NACC2: variants seen among roughly 807,000 people sequenced by gnomAD.
NACC2 encodes the protein NACC family member 2.
A neutral mutation model predicts 25.1 loss-of-function variants in NACC2; 8 were observed. That is an observed-to-expected ratio of 0.32 (90% CI 0.19 to 0.57). The LOEUF (loss-of-function observed/expected upper bound fraction) is 0.57. NACC2 is among the 20% of genes least tolerant of loss of function. The probability of loss-of-function intolerance (pLI) is 0.89; values close to 1 mark genes in which losing one functional copy is unlikely to be tolerated. For missense variants in NACC2, 644 were observed against 650.2 expected (o/e 0.99, Z 0.10); for synonymous variants, 435 against 294.7 (o/e 1.48, Z -4.88).
At chr9:136,016,211 A>G in intron 3 of NACC2, 54 bp downstream of exon 3, 1 of 1,589,164 alleles carries the variant, frequency 6.3e-7, no homozygotes, top group Non-Finnish European at 8.6e-7. Context: ...ATAAATAAAT[A>G]AATAAATAAA....
intron 2 of NACC2, among the ~76,000 whole-genome samples, chr9:136,029,494 A>G (rs952975065): frequency 7.9e-5 from 12 of 152,362 alleles, no homozygotes; most frequent in African/African-American, 2.9e-4. Context: ...AAAGAGATGA[A>G]AGAGCTGTAA....
At chr9:136,089,911 G>A (rs1196770705) in intron 1 of NACC2, among the ~76,000 whole-genome samples, 1 of 151,466 alleles carries the variant, frequency 6.6e-6, no homozygotes, top group Non-Finnish European at 1.5e-5. Flanking sequence ...CAAAAGTTGT[G>A]TGATACGGAT....
At chr9:136,092,491 G>C (rs943022293) in intron 1 of NACC2, among the ~76,000 whole-genome samples, 3 of 152,206 alleles carry the variant, frequency 2.0e-5, no homozygotes, top group Admixed American at 6.5e-5. Context: ...GGCGCTCCAC[G>C]GCCTCACACC....
At position 136,018,970 on chromosome 9, in the gene NACC2, G is replaced by A. The variant is rs1010497312; in HGVS notation, c.887-2541C>T. 1.3e-5 allele frequency among the ~76,000 whole-genome samples: 2 copies of A among 150,246 alleles called. No homozygotes were observed. Among genetic ancestry groups the A allele is most frequent in the Non-Finnish European group, 3.0e-5 (2 of 67,604 alleles). Reference sequence around the variant, plus strand: ...GAAGTTGTTTGTGCTTGGAACACCCGCCCCTCCCCAGCCCCTGCCCAGCTC... The same window carrying A: ...GAAGTTGTTTGTGCTTGGAACACCCACCCCTCCCCAGCCCCTGCCCAGCTC... On this transcript the variant is annotated intron_variant, in intron 2 of 5. Transcript: ENST00000277554. The surrounding 1 kb of genome is among the most constrained non-coding windows in gnomAD (Gnocchi z 4.4).
At chr9:136,035,961 TGAGG>T (rs1368397320) in intron 2 of NACC2, among the ~76,000 whole-genome samples, 39 of 152,302 alleles carry the variant, frequency 2.6e-4, no homozygotes, top group Middle Eastern at 3.4e-3. Flanking sequence ...ATCATGATCC[TGAGG>T]GAGGAAGAAA....
chr9:136,011,511 T>C lies in NACC2; in HGVS notation c.*5A>G. 19 of 1,376,228 alleles carry C rather than the reference T, an allele frequency of 1.4e-5. No homozygotes were observed. The highest frequency in any genetic ancestry group is 1.8e-5 in the Non-Finnish European group (19 of 1,067,662). 85.3% of individuals were successfully genotyped at this position (1,376,228 alleles called of 1,614,324 possible). A position where few individuals can be genotyped will look rare whatever the true frequency, so the allele number is the denominator to read the frequency against. On this transcript the variant is annotated 3_prime_UTR_variant, in exon 6 of 6. Transcript: ENST00000277554. ...TCGGTCCCTCGCGCAGCCACCCAGC[T>C]CCGCTTACAAGGTCCCTGCATAGGT... is the stretch of plus-strand genomic sequence containing the variant.
At chr9:136,085,159 TTTTTG>T (rs1342050736) in intron 1 of NACC2, among the ~76,000 whole-genome samples, 28 of 134,766 alleles carry the variant, frequency 2.1e-4, no homozygotes, top group African/African-American at 5.3e-4. Context: ...TTTTTTTTTT[TTTTTG>T]GCGAGACTGA....
At chr9:136,062,235 C>A (rs1342972311) in intron 1 of NACC2, among the ~76,000 whole-genome samples, 1 of 152,096 alleles carries the variant, frequency 6.6e-6, no homozygotes, top group African/African-American at 2.4e-5. Flanking sequence ...AACTAAGCAA[C>A]ATGATGACTG....
At chr9:136,094,693 C>T (rs1830469261) in intron 1 of NACC2, among the ~76,000 whole-genome samples, 1 of 151,918 alleles carries the variant, frequency 6.6e-6, no homozygotes, top group South Asian at 2.1e-4. Context: ...GGGCGAGGCG[C>T]GGGCCCGGCT....
At chr9:136,038,413 G>A (rs1259758680) in intron 2 of NACC2, among the ~76,000 whole-genome samples, 1 of 152,176 alleles carries the variant, frequency 6.6e-6, no homozygotes, top group African/African-American at 2.4e-5. Flanking sequence ...GGTGGCATGT[G>A]CTTGTAGTCT....
intron 1 of NACC2, among the ~76,000 whole-genome samples, chr9:136,058,086 C>T (rs1840953722): frequency 1.3e-5 from 2 of 152,136 alleles, no homozygotes; most frequent in Non-Finnish European, 2.9e-5. Flanking sequence ...CACAGAAACA[C>T]TACATCAGCC....
At chr9:136,015,168 A>G (rs1192317902) in intron 3 of NACC2, among the ~76,000 whole-genome samples, 7 of 152,010 alleles carry the variant, frequency 4.6e-5, no homozygotes, top group Non-Finnish European at 1.0e-4. Flanking sequence ...TCAGCCCCAC[A>G]CCCCAAACAG....
rs533758517 is a variant in NACC2, at chr9:136,074,949, CG to C, written c.-60+20239del. ...CTCGCACGGCCTCCTTCTGGGAGCC[CG>C]GGAGCTCTGTCCCCCACTCACTGTC... On this transcript the variant is annotated intron_variant, in intron 1 of 5. Transcript: ENST00000277554. 6.7e-4 allele frequency among the ~76,000 whole-genome samples: 102 copies of C among 152,288 alleles called. No homozygotes were observed. The South Asian group carries it at 0.013, about 19-fold the overall frequency.
intron 1 of NACC2, among the ~76,000 whole-genome samples, chr9:136,059,544 T>C (rs1273074118): frequency 3.3e-5 from 5 of 151,800 alleles, no homozygotes; most frequent in Admixed American, 3.3e-4. Flanking sequence ...AGCTGGGGGG[T>C]TGCCGAAGTC....
chr9:136,018,083 C>A lies in NACC2; in HGVS notation c.887-1654G>T, dbSNP rs1840229872. On this transcript the variant is annotated intron_variant, in intron 2 of 5. Coordinates refer to ENST00000277554, the MANE Select transcript of NACC2 (RefSeq NM_144653.5). This position sits in a 1 kb window ranked among gnomAD's most constrained non-coding sequence, Gnocchi z 4.4. ...GTGCAGAGGGAGGGGTGGGGTGGAACCTGCACGTCCAGCAGGCTCGGGGCA... is the reference window on the plus strand; with the variant it reads ...GTGCAGAGGGAGGGGTGGGGTGGAAACTGCACGTCCAGCAGGCTCGGGGCA... 6.6e-6 allele frequency among the ~76,000 whole-genome samples: 1 copy of A among 152,152 alleles called. No individual in the cohort carries two copies. The highest frequency in any genetic ancestry group is 1.9e-4 in the East Asian group (1 of 5,180).
intron 1 of NACC2, among the ~76,000 whole-genome samples, chr9:136,058,009 C>T (rs929802850): frequency 8.5e-5 from 13 of 152,182 alleles, no homozygotes; most frequent in Non-Finnish European, 1.8e-4. Context: ...AATAGTGAGG[C>T]GAGGTAAGAC....
rs773826196 is a variant in NACC2, at chr9:136,013,165, GC to G, written c.1255+33del. 26 of 706,920 alleles carry G rather than the reference GC, an allele frequency of 3.7e-5. 1 individual carries two copies. The Middle Eastern group carries it at 3.0e-3, about 83-fold the overall frequency. 43.8% of individuals were successfully genotyped at this position (706,920 alleles called of 1,614,324 possible). Reference sequence around the variant, plus strand: ...AGGCTGGGATCTGAACCCAGCCCCGGCCCCACCCACCCGAGAGACCCCCAGG... The same window carrying G: ...AGGCTGGGATCTGAACCCAGCCCCGGCCCACCCACCCGAGAGACCCCCAGG... On this transcript the variant is annotated intron_variant, in intron 5 of 5. Transcript: ENST00000277554. The surrounding 1 kb of genome is among the most constrained non-coding windows in gnomAD (Gnocchi z 6.6).
At chr9:136,014,040 G>T in intron 3 of NACC2, 71 bp from the exon 4 acceptor site, 1 of 879,936 alleles carries the variant, frequency 1.1e-6, no homozygotes. Context: ...CGCACAGATG[G>T]GTGAGGGGGA....
chr9:136,040,344 C>CAA (rs35210775), intron 2 of NACC2, among the ~76,000 whole-genome samples: 33 of 136,304 alleles, frequency 2.4e-4, no homozygotes, highest in East Asian at 6.4e-4. Flanking sequence ...GACTCCGTCT[C>CAA]AAAAAAAAAA....
Sources: allele counts gnomAD v4.1 joint callset (sites outside exome capture counted in the v4.1 genomes callset), GRCh38; gene constraint gnomAD v4.1.1; non-coding constraint Gnocchi (gnomAD v3.1); transcripts MANE v1.5; gene names NCBI Gene and HGNC (gene_info 2026-07-23, HGNC 2026-07-21).